Variants in FGD3 observed in about 807,000 individuals in gnomAD.
FGD3 encodes the protein FYVE, RhoGEF and PH domain containing 3.
A neutral mutation model predicts 71.8 loss-of-function variants in FGD3; 45 were observed. The ratio of observed to expected loss-of-function variants is 0.63; its 90% CI spans 0.49 to 0.80. The LOEUF (loss-of-function observed/expected upper bound fraction) is 0.80, where lower values mean the gene tolerates loss of function less well. Ranked by LOEUF, FGD3 falls within the 30% of genes least tolerant of loss-of-function variation. FGD3 has a pLI of 0.00. For synonymous variants in FGD3, 378 were observed against 392.8 expected, an observed-to-expected ratio of 0.96 and a Z score of 0.44; for missense variants, 844 against 951.5, an observed-to-expected ratio of 0.89 and a Z score of 1.49.
chr9:93,020,942 G>A (rs1029202230), intron 13 of FGD3, among the ~76,000 whole-genome samples: 2 of 152,228 alleles, frequency 1.3e-5, no homozygotes, highest in Admixed American at 1.3e-4. Flanking sequence ...GGATGTGGGC[G>A]TGGAGGAAGC....
intron 3 of FGD3, among the ~76,000 whole-genome samples, chr9:92,984,838 T>G (rs1472041471): frequency 1.8e-4 from 25 of 138,832 alleles, no homozygotes; most frequent in Non-Finnish European, 2.6e-4. Flanking sequence ...AGGGAGGGAG[T>G]GCTATTTGCC....
chr9:93,009,287 G>T (rs61145567), intron 6 of FGD3, among the ~76,000 whole-genome samples: 9,892 of 152,296 alleles, frequency 0.065, 530 homozygotes, highest in South Asian at 0.2. Context: ...TTCTTGTAGG[G>T]AGATACTTGG....
rs531126948 is a variant in FGD3, at chr9:92,983,450, G to A, written c.453+6741G>A. The stretch of plus-strand genomic sequence containing the variant: ...TGAGGCAGGAGAACGGCGTGCACCC[G>A]GGAGGCAGAGCTTTCAGTGAGCCGA... On this transcript the variant is annotated intron_variant, in intron 3 of 17. Transcript: ENST00000375482. Among the ~76,000 whole-genome samples, 221 of 151,554 alleles carry A rather than the reference G, an allele frequency of 1.5e-3. 2 individuals are homozygous for A. Among genetic ancestry groups the A allele is most frequent in the Non-Finnish European group, 2.3e-3 (156 of 67,848 alleles).
At chr9:93,026,449 T>G (rs903273086) in intron 14 of FGD3, among the ~76,000 whole-genome samples, 6 of 152,198 alleles carry the variant, frequency 3.9e-5, no homozygotes, top group African/African-American at 1.4e-4. Flanking sequence ...TACTGCGTCA[T>G]GCCTACAAAT....
chr9:93,022,593 G>A (rs1397571653), intron 14 of FGD3, among the ~76,000 whole-genome samples: 2 of 152,146 alleles, frequency 1.3e-5, no homozygotes, highest in Non-Finnish European at 2.9e-5. Flanking sequence ...AGGCACTGAT[G>A]AATTGTGTGG....
chr9:92,996,441 G>T (rs936727824), intron 3 of FGD3, among the ~76,000 whole-genome samples: 4 of 151,960 alleles, frequency 2.6e-5, no homozygotes, highest in African/African-American at 7.3e-5. Flanking sequence ...TGGATTCATT[G>T]ATTTTTTTGA....
intron 1 of FGD3, among the ~76,000 whole-genome samples, chr9:92,955,899 A>G (rs1859042428): frequency 6.6e-6 from 1 of 152,258 alleles, no homozygotes; most frequent in Non-Finnish European, 1.5e-5. Flanking sequence ...ATGCAGGGGA[A>G]TCATCACACA....
At chr9:92,957,523 GT>G (rs886373066) in intron 1 of FGD3, among the ~76,000 whole-genome samples, 112 of 149,972 alleles carry the variant, frequency 7.5e-4, no homozygotes, top group African/African-American at 2.3e-3. Context: ...ATATGTTCCA[GT>G]TTTTTTTTCT....
rs1056512339 is a variant in FGD3, at chr9:93,026,110, C to T, written c.1557+3721C>T. Among the ~76,000 whole-genome samples, 5 of 152,320 alleles carry T rather than the reference C, an allele frequency of 3.3e-5. No homozygotes were observed. In the East Asian group the frequency reaches 5.8e-4, roughly 18 times the overall value. On this transcript the variant is annotated intron_variant, in intron 14 of 17. Transcript: ENST00000375482. Reference sequence around the variant, plus strand: ...TTCTGTGTAACTCAGCTGTGCCCCCCGTTCCTGGATGTGCAGCTCAATTTG... The same window carrying T: ...TTCTGTGTAACTCAGCTGTGCCCCCTGTTCCTGGATGTGCAGCTCAATTTG...
At chr9:92,966,831 C>T (rs899760855) in intron 1 of FGD3, among the ~76,000 whole-genome samples, 4 of 152,262 alleles carry the variant, frequency 2.6e-5, no homozygotes, top group Admixed American at 6.5e-5. Context: ...GCCCTTCGCA[C>T]CTTGTCATTT....
chr9:92,953,187 A>G (rs909988991), intron 1 of FGD3, among the ~76,000 whole-genome samples: 1 of 152,156 alleles, frequency 6.6e-6, no homozygotes, highest in Non-Finnish European at 1.5e-5. Context: ...TTTAATGTAT[A>G]TCATTCTCTA....
intron 3 of FGD3, among the ~76,000 whole-genome samples, chr9:92,993,970 G>C (rs1446085950): frequency 6.6e-6 from 1 of 152,074 alleles, no homozygotes; most frequent in African/African-American, 2.4e-5. Flanking sequence ...TAATCCTTTG[G>C]GTATATGCCC....
chr9:92,972,331 A>G (rs1859568036), intron 1 of FGD3, among the ~76,000 whole-genome samples: 1 of 151,948 alleles, frequency 6.6e-6, no homozygotes, highest in Non-Finnish European at 1.5e-5. Context: ...GGGTGCCTGT[A>G]ATCCCAGCTA....
At chr9:92,955,958 C>T (rs1859043507) in intron 1 of FGD3, among the ~76,000 whole-genome samples, 1 of 152,138 alleles carries the variant, frequency 6.6e-6, no homozygotes. Context: ...TTGCTGAGTG[C>T]TGTTGTGTGG....
chr9:92,949,269 C>T (rs1368561275), intron 1 of FGD3, among the ~76,000 whole-genome samples: 6 of 152,190 alleles, frequency 3.9e-5, no homozygotes, highest in African/African-American at 1.4e-4. Flanking sequence ...GCCTCAGTTT[C>T]TCCATTTGTA....
intron 5 of FGD3, among the ~76,000 whole-genome samples, chr9:93,004,479 T>G (rs1564158365): frequency 6.6e-6 from 1 of 152,212 alleles, no homozygotes; most frequent in Non-Finnish European, 1.5e-5. Flanking sequence ...TCCTAGCTTA[T>G]ACTCCACCTT....
At chr9:93,005,298 AT>A (rs912829602) in intron 5 of FGD3, among the ~76,000 whole-genome samples, 1 of 150,758 alleles carries the variant, frequency 6.6e-6, no homozygotes, top group African/African-American at 2.4e-5. Context: ...AATTATTTGT[AT>A]TTTTTTTTAA....
At chr9:92,958,829 A>G (rs1564140126) in intron 1 of FGD3, among the ~76,000 whole-genome samples, 1 of 152,354 alleles carries the variant, frequency 6.6e-6, no homozygotes, top group East Asian at 1.9e-4. Flanking sequence ...ATCTTTCCCT[A>G]TTGATATGTA....
intron 2 of FGD3, 49 bp from the exon 3 acceptor site, chr9:92,976,159 C>A: frequency 8.5e-7 from 1 of 1,180,914 alleles, no homozygotes; most frequent in South Asian, 1.6e-5. Context: ...CCTGAGGGTG[C>A]TGGTCCATGC....
Sources: allele counts gnomAD v4.1 joint callset (sites outside exome capture counted in the v4.1 genomes callset), GRCh38; gene constraint gnomAD v4.1.1; transcripts MANE v1.5; gene names NCBI Gene and HGNC (gene_info 2026-07-23, HGNC 2026-07-21).